RBFOX1: variants seen among roughly 807,000 people sequenced by gnomAD.
RBFOX1 encodes RNA binding fox-1 homolog 1.
RBFOX1 carries 8 observed loss-of-function variants against 57.7 expected under a neutral mutation model. That is an observed-to-expected ratio of 0.14 (90% CI 0.08 to 0.25). RBFOX1 has a LOEUF of 0.25. Ranked by LOEUF, RBFOX1 falls within the 10% of genes least tolerant of loss-of-function variation. RBFOX1 has a pLI of 1.00. For missense variants in RBFOX1, 611 were observed against 548.5 expected (o/e 1.11, Z -1.14); for synonymous variants, 326 against 222.4 (o/e 1.47, Z -4.15).
chr16:5,742,743 C>T (rs927218091), intron 3 of RBFOX1, among the ~76,000 whole-genome samples: 4 of 152,140 alleles, frequency 2.6e-5, no homozygotes, highest in Admixed American at 6.6e-5. Flanking sequence ...ACCTTGTTTA[C>T]GTCTAGATAG....
At chr16:7,210,179 G>A (rs756274290) in intron 4 of RBFOX1, among the ~76,000 whole-genome samples, 1 of 152,158 alleles carries the variant, frequency 6.6e-6, no homozygotes, top group Non-Finnish European at 1.5e-5. Flanking sequence ...TATCAGTCAA[G>A]ATCCCACACA....
At chr16:7,096,585 A>C (rs1454399107) in intron 4 of RBFOX1, among the ~76,000 whole-genome samples, 1 of 152,006 alleles carries the variant, frequency 6.6e-6, no homozygotes, top group Non-Finnish European at 1.5e-5. Context: ...TCAACATCCA[A>C]CCCTGTGTAA....
At chr16:7,359,029 T>C (rs1312822942) in intron 4 of RBFOX1, among the ~76,000 whole-genome samples, 3 of 152,234 alleles carry the variant, frequency 2.0e-5, no homozygotes, top group Non-Finnish European at 4.4e-5. Context: ...CTTTGCTGCC[T>C]CCACCTTCCT....
intron 4 of RBFOX1, among the ~76,000 whole-genome samples, chr16:7,482,527 C>T (rs1016104102): frequency 6.8e-6 from 1 of 147,176 alleles, no homozygotes; most frequent in Non-Finnish European, 1.5e-5. Flanking sequence ...TGCATCTTCC[C>T]TTTGATTGCC....
intron 2 of RBFOX1, among the ~76,000 whole-genome samples, chr16:6,423,763 T>G (rs1244161187): frequency 6.6e-6 from 1 of 150,970 alleles, no homozygotes; most frequent in African/African-American, 2.4e-5. Context: ...CAGATGAGAG[T>G]TCAGCTACGA....
At chr16:5,676,252 TAA>T (rs5815262) in intron 3 of RBFOX1, among the ~76,000 whole-genome samples, 6 of 145,378 alleles carry the variant, frequency 4.1e-5, no homozygotes, top group South Asian at 2.2e-4. Flanking sequence ...TAAAGTGAAA[TAA>T]AAAAAAAAAA....
At chr16:6,747,970 C>T (rs2074116692) in intron 3 of RBFOX1, among the ~76,000 whole-genome samples, 2 of 152,186 alleles carry the variant, frequency 1.3e-5, no homozygotes, top group South Asian at 4.1e-4. Context: ...TAAATCCTTT[C>T]TCTTTTGAAA....
intron 3 of RBFOX1, among the ~76,000 whole-genome samples, chr16:5,683,647 T>A (rs540008406): frequency 6.6e-6 from 1 of 152,082 alleles, no homozygotes; most frequent in South Asian, 2.1e-4. Context: ...GTTCTGGGAC[T>A]TGGACTGTCT....
intron 4 of RBFOX1, among the ~76,000 whole-genome samples, chr16:7,381,927 A>G (rs2097787768): frequency 6.6e-6 from 1 of 152,152 alleles, no homozygotes; most frequent in African/African-American, 2.4e-5. Context: ...GTGATGCCCA[A>G]AGATGTCTCT....
chr16:5,599,993 A>G (rs1485810317), exon 3 of RBFOX1: 1 of 151,858 alleles, frequency 6.6e-6, no homozygotes, highest in Non-Finnish European at 1.5e-5. Context: ...ATCTCTACAA[A>G]AAATAAACAA....
intron 1 of RBFOX1, among the ~76,000 whole-genome samples, chr16:6,212,128 G>C (rs1344207688): frequency 6.6e-6 from 1 of 152,062 alleles, no homozygotes; most frequent in Non-Finnish European, 1.5e-5. Flanking sequence ...AATGTGTTGA[G>C]ATTACAGGTA....
At chr16:5,593,566 T>C (rs1434011387) in intron 2 of RBFOX1, among the ~76,000 whole-genome samples, 1 of 152,158 alleles carries the variant, frequency 6.6e-6, no homozygotes, top group Non-Finnish European at 1.5e-5. Flanking sequence ...ACCAAGATGG[T>C]GATGAGAGTG....
At chr16:7,242,410 C>T (rs991515733) in intron 4 of RBFOX1, among the ~76,000 whole-genome samples, 2 of 152,198 alleles carry the variant, frequency 1.3e-5, no homozygotes, top group Admixed American at 6.5e-5. Context: ...AACTAGATCT[C>T]TCTGAGCTTT....
At chr16:5,992,443 C>T (rs1223672908) in intron 4 of RBFOX1, among the ~76,000 whole-genome samples, 8 of 152,138 alleles carry the variant, frequency 5.3e-5, no homozygotes, top group Non-Finnish European at 7.4e-5. Context: ...AATGAAAATG[C>T]GTAAGACTGA....
chr16:6,474,366 C>G (rs1287648224), intron 2 of RBFOX1, among the ~76,000 whole-genome samples: 1 of 152,192 alleles, frequency 6.6e-6, no homozygotes, highest in Non-Finnish European at 1.5e-5. Flanking sequence ...GAAAAAGACT[C>G]TTTTCCTGTC....
At chr16:7,197,861 G>A (rs933523046) in intron 4 of RBFOX1, among the ~76,000 whole-genome samples, 1 of 152,114 alleles carries the variant, frequency 6.6e-6, no homozygotes, top group Non-Finnish European at 1.5e-5. Context: ...ATCCAGAATA[G>A]GAAAATTCAC....
At chr16:6,425,393 A>G (rs114077430) in intron 2 of RBFOX1, among the ~76,000 whole-genome samples, 1 of 152,152 alleles carries the variant, frequency 6.6e-6, no homozygotes, top group Non-Finnish European at 1.5e-5. Flanking sequence ...GAATATTCCA[A>G]TTATATTAAA....
At chr16:7,083,298 C>T (rs940442645) in intron 4 of RBFOX1, among the ~76,000 whole-genome samples, 2 of 151,938 alleles carry the variant, frequency 1.3e-5, no homozygotes, top group Non-Finnish European at 2.9e-5. Flanking sequence ...CTGCTTGTGT[C>T]ACAGTGATAA....
At chr16:7,156,124 G>T (rs1354492901) in intron 4 of RBFOX1, among the ~76,000 whole-genome samples, 1 of 151,790 alleles carries the variant, frequency 6.6e-6, no homozygotes, top group Non-Finnish European at 1.5e-5. Flanking sequence ...TGCCCACTTT[G>T]GCCTTCAAGG....
Sources: gnomAD v4.1 joint callset for allele counts (sites outside exome capture counted in the v4.1 genomes callset) on GRCh38, gnomAD v4.1.1 for gene constraint, MANE v1.5 for transcripts, NCBI Gene and HGNC (gene_info 2026-07-23, HGNC 2026-07-21) for gene names.